The following FRAS1 variants were observed in gnomAD, a reference collection of about 807,000 sequenced individuals.
The protein encoded by FRAS1 is Fraser extracellular matrix complex subunit 1.
FRAS1 carries 290 observed loss-of-function variants against 435.2 expected under a neutral mutation model. The observed-to-expected ratio is 0.67, with a 90% CI of 0.61 to 0.73. The LOEUF is 0.73. Ranked by LOEUF, FRAS1 falls within the 30% of genes least tolerant of loss-of-function variation. The pLI is 0.00. For synonymous variants in FRAS1, 1,800 were observed against 1,851.0 expected (o/e 0.97, Z 0.71); for missense variants, 4,860 against 5,001.5 (o/e 0.97, Z 0.85).
chr4:78,097,662 C>T (rs951594121), intron 2 of FRAS1, among the ~76,000 whole-genome samples: 8 of 137,680 alleles, frequency 5.8e-5, no homozygotes, highest in Middle Eastern at 3.7e-3. Flanking sequence ...TATTCACTAT[C>T]ATAGAACAGC....
chr4:78,434,717 T>G (rs1188259540), intron 38 of FRAS1, among the ~76,000 whole-genome samples: 1 of 151,956 alleles, frequency 6.6e-6, no homozygotes, highest in Non-Finnish European at 1.5e-5. Context: ...CAGACAGCAA[T>G]AGCATTTCTA....
chr4:78,443,989 C>G (rs746108104), intron 41 of FRAS1: 4 of 344,216 alleles, frequency 1.2e-5, no homozygotes, highest in Non-Finnish European at 2.3e-5. Flanking sequence ...CCTGGGACTA[C>G]AGGCATCCGC....
rs1335151708 is a variant in FRAS1, at chr4:78,189,187, A to C, written c.109-48323A>C. ...GACTTATCTGACCACATGTATGATT[A>C]TATCATGTCTCATTTAAATGCACAA... On this transcript the variant is annotated intron_variant, in intron 2 of 73. Transcript: ENST00000512123. Among the ~76,000 whole-genome samples the C allele has an allele frequency of 1.3e-5, 2 of 152,228 alleles. 1 individual carries two copies. Among genetic ancestry groups the C allele is most frequent in the Admixed American group, 1.3e-4 (2 of 15,282 alleles).
At chr4:78,374,278 G>T in intron 25 of FRAS1, 27 bp downstream of exon 25, 1 of 1,548,242 alleles carries the variant, frequency 6.5e-7, no homozygotes. Flanking sequence ...TGATTATTCT[G>T]GAAAGAAGTG....
chr4:78,116,386 G>A (rs762529431), intron 2 of FRAS1, among the ~76,000 whole-genome samples: 48 of 152,144 alleles, frequency 3.2e-4, no homozygotes, highest in African/African-American at 1.1e-3. Flanking sequence ...GGATATCCTT[G>A]TTAACTTTCT....
intron 35 of FRAS1, among the ~76,000 whole-genome samples, chr4:78,428,329 C>CTT (rs34831830): frequency 5.9e-4 from 88 of 149,918 alleles, no homozygotes; most frequent in Admixed American, 2.3e-3. Flanking sequence ...AAAAAGTATT[C>CTT]TTTTTTTTTT....
At position 78,286,550 on chromosome 4, in the gene FRAS1, G is replaced by A; in HGVS notation, c.1534+11G>A. 1 of 1,609,960 alleles carries A rather than the reference G, an allele frequency of 6.2e-7. No homozygotes were observed. The highest frequency in any genetic ancestry group is 8.5e-7 in the Non-Finnish European group (1 of 1,178,696). On this transcript the variant is annotated intron_variant, in intron 14 of 73. Coordinates refer to ENST00000512123, the MANE Select transcript of FRAS1 (RefSeq NM_025074.7). Reference sequence around the variant, plus strand: ...GCCATTCCTGTGCAGGTAATCTCTGGCTGGGCCACAGTTGGGCCAGCTACC... The same window carrying A: ...GCCATTCCTGTGCAGGTAATCTCTGACTGGGCCACAGTTGGGCCAGCTACC...
At chr4:78,518,023 T>C (rs929150485) in intron 66 of FRAS1, among the ~76,000 whole-genome samples, 1 of 152,016 alleles carries the variant, frequency 6.6e-6, no homozygotes, top group East Asian at 1.9e-4. Flanking sequence ...AGGCTGAGGC[T>C]GGAGGATCAC....
chr4:78,240,004 A>G lies in FRAS1; in HGVS notation c.216+2387A>G, dbSNP rs548951490. Reference sequence around the variant, plus strand: ...GTTTACTGTCTCTTTTATTCTCTGTATATCCACAGCATCTACAGTAACACC... The same window carrying G: ...GTTTACTGTCTCTTTTATTCTCTGTGTATCCACAGCATCTACAGTAACACC... On this transcript the variant is annotated intron_variant, in intron 3 of 73. Transcript: ENST00000512123. 8.6e-4 allele frequency among the ~76,000 whole-genome samples: 131 copies of G among 152,090 alleles called. 2 individuals are homozygous for G. Among genetic ancestry groups the G allele is most frequent in the South Asian group, 7.9e-3 (38 of 4,818 alleles).
At chr4:78,288,317 G>A (rs1343079353) in intron 14 of FRAS1, among the ~76,000 whole-genome samples, 3 of 152,120 alleles carry the variant, frequency 2.0e-5, no homozygotes, top group African/African-American at 7.2e-5. Flanking sequence ...TAGTGCTCGT[G>A]ACAGATTTGC....
intron 30 of FRAS1, among the ~76,000 whole-genome samples, chr4:78,403,719 A>C (rs1732994087): frequency 6.6e-6 from 1 of 152,164 alleles, no homozygotes; most frequent in Non-Finnish European, 1.5e-5. Flanking sequence ...TCCTCAACTT[A>C]CACCCTGTTA....
chr4:78,311,729 T>A (rs1366830374), intron 15 of FRAS1, among the ~76,000 whole-genome samples: 1 of 152,236 alleles, frequency 6.6e-6, no homozygotes, highest in Non-Finnish European at 1.5e-5. Flanking sequence ...CCACTTGGCA[T>A]GATCAAGATT....
intron 2 of FRAS1, among the ~76,000 whole-genome samples, chr4:78,196,270 G>A (rs958804949): frequency 6.6e-6 from 1 of 152,214 alleles, no homozygotes; most frequent in Admixed American, 6.5e-5. Context: ...GCCTCCCAAA[G>A]TGCTGGGGTT....
intron 2 of FRAS1, among the ~76,000 whole-genome samples, chr4:78,148,759 A>G (rs746370821): frequency 6.6e-6 from 1 of 152,182 alleles, no homozygotes; most frequent in East Asian, 1.9e-4. Context: ...TTTGGTAGGT[A>G]CCACTTTTAA....
chr4:78,272,558 T>G (rs1465352563), intron 9 of FRAS1, among the ~76,000 whole-genome samples: 1 of 152,238 alleles, frequency 6.6e-6, no homozygotes. Context: ...GTACCATTTG[T>G]TAAATAGGGA....
intron 71 of FRAS1, among the ~76,000 whole-genome samples, chr4:78,536,359 A>T (rs971951217): frequency 6.6e-6 from 1 of 152,098 alleles, no homozygotes; most frequent in African/African-American, 2.4e-5. Context: ...ACCTGGTTTC[A>T]TGCTCTCTTA....
chr4:78,057,940 C>T lies in FRAS1; in HGVS notation c.-70C>T, dbSNP rs1051433819. The stretch of plus-strand genomic sequence containing the variant: ...GCGCCCGGGTTCCAAGCGCCGGAGC[C>T]AGCGTTTTGGCGGAGCCGCTTCTTG... On this transcript the variant is annotated 5_prime_UTR_variant, in exon 1 of 74. Transcript: ENST00000512123. The surrounding 1 kb of genome is among the most constrained non-coding windows in gnomAD (Gnocchi z 4.2). 5.4e-6 allele frequency: 8 copies of T among 1,487,110 alleles called. No homozygotes were observed. Among genetic ancestry groups the T allele is most frequent in the Non-Finnish European group, 7.5e-6 (8 of 1,069,654 alleles). The allele number at this position is 1,487,110 out of a possible 1,614,324, so 92.1% of individuals were successfully genotyped here. A position where few individuals can be genotyped will look rare whatever the true frequency, so the allele number is the denominator to read the frequency against.
intron 35 of FRAS1, among the ~76,000 whole-genome samples, chr4:78,425,886 A>G (rs1733979698): frequency 6.6e-6 from 1 of 152,182 alleles, no homozygotes. Context: ...CTGTACTCCC[A>G]GCACTTTGGG....
chr4:78,115,328 A>T (rs1489933583), intron 2 of FRAS1, among the ~76,000 whole-genome samples: 2 of 152,128 alleles, frequency 1.3e-5, no homozygotes, highest in Non-Finnish European at 2.9e-5. Flanking sequence ...TGGTATCAGG[A>T]TGATGCTGGC....
Sources: gnomAD v4.1 joint callset for allele counts (sites outside exome capture counted in the v4.1 genomes callset) on GRCh38, gnomAD v4.1.1 for gene constraint, Gnocchi (gnomAD v3.1) non-coding constraint, MANE v1.5 for transcripts, NCBI Gene and HGNC (gene_info 2026-07-23, HGNC 2026-07-21) for gene names.